The following TBL1X variants were observed in gnomAD, a reference collection of about 807,000 sequenced individuals.
The protein encoded by TBL1X is transducin beta like 1 X-linked, also known as F-box-like/WD repeat-containing protein TBL1X.
In TBL1X, 10 loss-of-function variants were observed where a neutral mutation model predicts 50.7. The ratio of observed to expected loss-of-function variants is 0.20; its 90% CI spans 0.12 to 0.33. TBL1X has a LOEUF of 0.33. TBL1X is among the 10% of genes least tolerant of loss of function. TBL1X has a pLI of 1.00. For missense variants in TBL1X, 340 were observed against 504.4 expected, an observed-to-expected ratio of 0.67 and a Z score of 3.12; for synonymous variants, 190 against 214.7, an observed-to-expected ratio of 0.88 and a Z score of 1.01.
At chrX:9,554,351 T>G (rs932060507) in intron 2 of TBL1X, among the ~76,000 whole-genome samples, 1 of 112,813 alleles carries the variant, frequency 8.9e-6, no homozygotes, top group Non-Finnish European at 1.9e-5. Context: ...TAGCATATTT[T>G]ATCTTCCAGA....
chrX:9,693,024 A>G lies in TBL1X; in HGVS notation c.892-125A>G, dbSNP rs964113831. The G allele has an allele frequency of 7.6e-6, 5 of 655,622 alleles. 1 individual carries two copies. Among genetic ancestry groups the G allele is most frequent in the Non-Finnish European group, 1.2e-5 (5 of 410,680 alleles). 54.0% of individuals were successfully genotyped at this position (655,622 alleles called of 1,213,427 possible). On this transcript the variant is annotated intron_variant, in intron 9 of 17. Transcript: ENST00000645353. ...TCAGCATGGTATTTTCAATTCTGTCATTAAAGAACACGCAGTGGCAAATGG... is the reference window on the plus strand; with the variant it reads ...TCAGCATGGTATTTTCAATTCTGTCGTTAAAGAACACGCAGTGGCAAATGG...
At chrX:9,682,775 C>G (rs770252593) in intron 5 of TBL1X, among the ~76,000 whole-genome samples, 1 of 112,268 alleles carries the variant, frequency 8.9e-6, no homozygotes, top group East Asian at 2.8e-4. Flanking sequence ...AGTCCTGCCT[C>G]CTGGGATAAG....
rs148714550 is a variant in TBL1X, at chrX:9,650,911, A to G, written c.-42-2634A>G. Among the ~76,000 whole-genome samples the G allele has an allele frequency of 1.8e-3, 203 of 110,643 alleles. 2 individuals carry two copies. In the East Asian group the frequency reaches 0.049, roughly 27 times the overall value. On this transcript the variant is annotated intron_variant, in intron 3 of 17. Transcript: ENST00000645353. ...TAATAGATTCTTCAAAATTAATTTC[A>G]AAATTCCTTATCTACCGTCTTTCAC...
chrX:9,642,620 A>G (rs2082781667), intron 3 of TBL1X, among the ~76,000 whole-genome samples: 1 of 111,857 alleles, frequency 8.9e-6, no homozygotes, highest in Non-Finnish European at 1.9e-5. Flanking sequence ...CCGAGAAGGG[A>G]CTAGGCAGTC....
chrX:9,501,054 G>A (rs1228129623), intron 1 of TBL1X, among the ~76,000 whole-genome samples: 2 of 111,543 alleles, frequency 1.8e-5, no homozygotes, highest in African/African-American at 3.3e-5. Context: ...AGCCCTGGAT[G>A]CCCCAATCCT....
chrX:9,574,835 A>G (rs893571433), intron 2 of TBL1X, among the ~76,000 whole-genome samples: 1 of 111,786 alleles, frequency 8.9e-6, no homozygotes, highest in Non-Finnish European at 1.9e-5. Context: ...AGGGATAGCC[A>G]CTTTAGCCAA....
intron 2 of TBL1X, among the ~76,000 whole-genome samples, chrX:9,626,392 CTAA>C (rs2082693007): frequency 9.0e-6 from 1 of 111,579 alleles, no homozygotes. Flanking sequence ...GTCATCCTTT[CTAA>C]TAGTAGACAC....
intron 2 of TBL1X, among the ~76,000 whole-genome samples, chrX:9,507,888 A>G (rs1248841853): frequency 8.9e-6 from 1 of 112,421 alleles, no homozygotes; most frequent in African/African-American, 3.2e-5. Context: ...CTGGCTAGCC[A>G]TATGCTGAAA....
chrX:9,601,069 G>T (rs1266921184), intron 2 of TBL1X, among the ~76,000 whole-genome samples: 1 of 111,797 alleles, frequency 8.9e-6, no homozygotes, highest in African/African-American at 3.3e-5. Flanking sequence ...TTACCTTTGG[G>T]CAGTGGCGAG....
rs1413076684 is a variant in TBL1X at position 9,593,822 on chromosome X, G to A, written c.-130-46451G>A. 3.6e-5 allele frequency among the ~76,000 whole-genome samples: 4 copies of A among 110,993 alleles called. No individual in the cohort carries two copies. In the East Asian group the frequency reaches 1.1e-3, roughly 31 times the overall value. On this transcript the variant is annotated intron_variant, in intron 2 of 17. Transcript: ENST00000645353. ...AAGCTTCCCCTCCCTTTTCTTTCAT[G>A]CCCATAGCCTACCTGGATCTCCTCT...
At chrX:9,523,878 A>G (rs1303904763) in intron 2 of TBL1X, among the ~76,000 whole-genome samples, 1 of 111,412 alleles carries the variant, frequency 9.0e-6, no homozygotes, top group African/African-American at 3.3e-5. Flanking sequence ...CAAAATATCA[A>G]AAACATGATT....
intron 5 of TBL1X, among the ~76,000 whole-genome samples, chrX:9,663,565 C>G (rs1209064968): frequency 1.8e-5 from 2 of 111,123 alleles, no homozygotes; most frequent in Non-Finnish European, 3.8e-5. Context: ...TTGAGACCAG[C>G]CTGGCCAATA....
chrX:9,613,985 C>CAAAAAAAAAAA (rs34481376), intron 2 of TBL1X, among the ~76,000 whole-genome samples: 2 of 50,221 alleles, frequency 4.0e-5, no homozygotes, highest in Non-Finnish European at 7.5e-5. Context: ...GACTCCATCT[C>CAAAAAAAAAAA]AAAAAAAAAA....
rs746623613 is a variant in TBL1X at position 9,709,231 on chromosome X, C to T, written c.1237-17C>T. ...CAGGCCCTGATGTCTTTTTCACACT[C>T]TTCTGCTCTCTTTCAGAACGAGGTC... On this transcript the variant is annotated splice_polypyrimidine_tract_variant and intron_variant, in intron 13 of 17. Coordinates refer to ENST00000645353, the MANE Select transcript of TBL1X (RefSeq NM_005647.4). 1.5e-5 allele frequency: 18 copies of T among 1,206,388 alleles called. No individual in the cohort carries two copies.
At chrX:9,514,245 G>A (rs1158806740) in intron 2 of TBL1X, among the ~76,000 whole-genome samples, 2 of 111,372 alleles carry the variant, frequency 1.8e-5, no homozygotes, top group Non-Finnish European at 3.8e-5. Context: ...TGTGTAGGAA[G>A]ACCGGAGGCC....
intron 10 of TBL1X, 23 bp downstream of exon 10, chrX:9,693,235 T>C: frequency 8.3e-7 from 1 of 1,211,119 alleles, no homozygotes; most frequent in Non-Finnish European, 1.1e-6. Context: ...TCCCTCGTGC[T>C]GGGGTCGGGT....
intron 5 of TBL1X, among the ~76,000 whole-genome samples, chrX:9,665,201 TG>T (rs2082920194): frequency 9.3e-6 from 1 of 108,042 alleles, no homozygotes; most frequent in Non-Finnish European, 1.9e-5. Context: ...TTTTTTCCCT[TG>T]AGGAAGGAGA....
chrX:9,506,331 C>T (rs2082025625), intron 2 of TBL1X, among the ~76,000 whole-genome samples: 2 of 111,424 alleles, frequency 1.8e-5, no homozygotes, highest in Non-Finnish European at 3.8e-5. Context: ...GCACTAAATG[C>T]CCACATCAGA....
chrX:9,493,703 G>C (rs1047220234), intron 1 of TBL1X, among the ~76,000 whole-genome samples: 1 of 111,296 alleles, frequency 9.0e-6, no homozygotes, highest in Non-Finnish European at 1.9e-5. Flanking sequence ...CGAGGCTGCA[G>C]TGAGCTGATA....
Sources: allele counts gnomAD v4.1 joint callset (sites outside exome capture counted in the v4.1 genomes callset), GRCh38; gene constraint gnomAD v4.1.1; transcripts MANE v1.5; gene names NCBI Gene and HGNC (gene_info 2026-07-23, HGNC 2026-07-21).